Variants in CREG1 observed in about 807,000 individuals in gnomAD.
CREG1 encodes cellular repressor of E1A stimulated genes 1, also known as protein CREG1.
CREG1 carries 20 observed loss-of-function variants against 19.9 expected under a neutral mutation model. The observed-to-expected ratio is 1.01, with a 90% CI of 0.71 to 1.46. The LOEUF is 1.46. Among genes scored for constraint, CREG1 ranks in the 40% most tolerant of loss-of-function variants. The probability of loss-of-function intolerance (pLI) is 0.00; values close to 1 mark genes in which losing one functional copy is unlikely to be tolerated. For missense variants in CREG1, 290 were observed against 314.9 expected, an observed-to-expected ratio of 0.92 and a Z score of 0.60; for synonymous variants, 141 against 143.3, an observed-to-expected ratio of 0.98 and a Z score of 0.12.
chr1:167,546,800 C>T lies in CREG1; in HGVS notation c.475-515G>A, dbSNP rs538740183. ...CAATTGTTGGTAATAACAGATACCACGAAGTGGGAAACCACTGTAAGTATA... is the reference window on the plus strand; with the variant it reads ...CAATTGTTGGTAATAACAGATACCATGAAGTGGGAAACCACTGTAAGTATA... On this transcript the variant is annotated intron_variant, in intron 2 of 3. Coordinates refer to ENST00000370509, the MANE Select transcript of CREG1 (RefSeq NM_003851.3). Among the ~76,000 whole-genome samples, 11 of 152,332 alleles carry T rather than the reference C, an allele frequency of 7.2e-5. No homozygotes were observed. The South Asian group carries it at 8.3e-4, about 11-fold the overall frequency.
intron 1 of CREG1, among the ~76,000 whole-genome samples, chr1:167,549,391 T>G (rs1276759441): frequency 0.011 from 10 of 924 alleles, no homozygotes; most frequent in Admixed American, 0.023. Context: ...TTTTTTTTTG[T>G]TTTTTTTTTT....
intron 3 of CREG1, among the ~76,000 whole-genome samples, chr1:167,544,557 T>C (rs1656286538): frequency 6.6e-6 from 1 of 152,056 alleles, no homozygotes; most frequent in South Asian, 2.1e-4. Context: ...GCTAGGAGCC[T>C]GGCCAGCTAC....
At chr1:167,544,124 G>C (rs1656275155) in intron 3 of CREG1, among the ~76,000 whole-genome samples, 1 of 152,202 alleles carries the variant, frequency 6.6e-6, no homozygotes, top group Non-Finnish European at 1.5e-5. Flanking sequence ...TATGAAGTCA[G>C]ATGGCTTTGC....
At chr1:167,548,326 T>C (rs537683141) in intron 1 of CREG1, among the ~76,000 whole-genome samples, 1 of 152,362 alleles carries the variant, frequency 6.6e-6, no homozygotes, top group East Asian at 1.9e-4. Context: ...GGGGTTCATA[T>C]TTAAAATGAA....
intron 1 of CREG1, among the ~76,000 whole-genome samples, chr1:167,553,133 G>T (rs963530459): frequency 6.6e-6 from 1 of 152,064 alleles, no homozygotes; most frequent in African/African-American, 2.4e-5. Context: ...TCACGGATGA[G>T]AAGTCCTCGG....
chr1:167,553,733 C>T lies in CREG1; in HGVS notation c.9G>A (p.Gly3=). The T allele has an allele frequency of 7.8e-7, 1 of 1,284,274 alleles. No homozygotes were observed. Among genetic ancestry groups the T allele is most frequent in the South Asian group, 2.6e-5 (1 of 38,784 alleles). 79.6% of individuals were successfully genotyped at this position (1,284,274 alleles called of 1,614,324 possible). Residue 3 remains glycine, a synonymous_variant, in exon 1 of 4, where the codon GGG becomes GGA. Coordinates refer to ENST00000370509, the MANE Select transcript of CREG1 (RefSeq NM_003851.3). ...GTGCGCGCGCGGACCCGCGGGATAG[C>T]CCGGCCATGGCGGTGTCTCCAGGAA... is the stretch of plus-strand genomic sequence containing the variant. MA[G]LSRGSARALL...
chr1:167,551,786 T>C lies in CREG1; in HGVS notation c.354+1602A>G, dbSNP rs577912572. Among the ~76,000 whole-genome samples the C allele has an allele frequency of 8.1e-4, 123 of 152,286 alleles. 1 individual carries two copies. Among genetic ancestry groups the C allele is most frequent in the African/African-American group, 2.8e-3 (118 of 41,528 alleles). ...AGGTGACTATGATTTGCAGTCAAAG[T>C]TGAGCACCACTGATGGAGTGGAGTG... On this transcript the variant is annotated intron_variant, in intron 1 of 3. Transcript: ENST00000370509.
At chr1:167,545,221 G>A (rs993649879) in intron 3 of CREG1, among the ~76,000 whole-genome samples, 12 of 152,250 alleles carry the variant, frequency 7.9e-5, no homozygotes, top group African/African-American at 2.9e-4. Flanking sequence ...AAATGCCATC[G>A]TGGGTCATAA....
chr1:167,547,335 G>C (rs1369835381), intron 2 of CREG1, among the ~76,000 whole-genome samples: 2 of 152,148 alleles, frequency 1.3e-5, no homozygotes, highest in Non-Finnish European at 2.9e-5. Flanking sequence ...AAAATATGGA[G>C]ACAAGGAGCC....
chr1:167,546,836 T>A (rs1283693803), intron 2 of CREG1, among the ~76,000 whole-genome samples: 2 of 152,264 alleles, frequency 1.3e-5, no homozygotes, highest in East Asian at 3.8e-4. Flanking sequence ...ATACCAACTT[T>A]CATTGGTAAA....
intron 1 of CREG1, among the ~76,000 whole-genome samples, chr1:167,550,390 A>T (rs1174641437): frequency 6.6e-6 from 1 of 152,182 alleles, no homozygotes; most frequent in African/African-American, 2.4e-5. Context: ...TGTGACAGGT[A>T]TTTTTGTTAA....
At chr1:167,543,029 C>T (rs971207399) in intron 3 of CREG1, among the ~76,000 whole-genome samples, 3 of 152,032 alleles carry the variant, frequency 2.0e-5, no homozygotes, top group South Asian at 2.1e-4. Context: ...GGGCAGATCA[C>T]GAGGTCAGGA....
chr1:167,544,193 C>T (rs1656277704), intron 3 of CREG1, among the ~76,000 whole-genome samples: 1 of 152,136 alleles, frequency 6.6e-6, no homozygotes, highest in African/African-American at 2.4e-5. Flanking sequence ...GCAAAACAAG[C>T]GCCAGGACTG....
At chr1:167,543,222 G>A (rs1308094128) in intron 3 of CREG1, among the ~76,000 whole-genome samples, 1 of 147,604 alleles carries the variant, frequency 6.8e-6, no homozygotes, top group African/African-American at 2.5e-5. Flanking sequence ...ACTCCAGCCT[G>A]AGCAACAGAG....
intron 3 of CREG1, among the ~76,000 whole-genome samples, chr1:167,544,734 G>T (rs548622015): frequency 6.6e-6 from 1 of 152,272 alleles, no homozygotes; most frequent in Admixed American, 6.5e-5. Context: ...TTTCACACAT[G>T]TGGAAAAACA....
At position 167,541,717 on chromosome 1, in the gene CREG1, T is replaced by C. The variant is rs1432658757; in HGVS notation, c.*581A>G. 1 of 152,254 alleles carries C rather than the reference T, an allele frequency of 6.6e-6. No individual in the cohort carries two copies. The highest frequency in any genetic ancestry group is 1.5e-5 in the Non-Finnish European group (1 of 68,050). 9.4% of individuals were successfully genotyped at this position (152,254 alleles called of 1,614,324 possible). A position where few individuals can be genotyped will look rare whatever the true frequency, so the allele number is the denominator to read the frequency against. ...CTTTATCAGAAATAGTTTCACCCTA[T>C]GTTGAATTAACAATACCCAGGATTG... On this transcript the variant is annotated 3_prime_UTR_variant, in exon 4 of 4. Coordinates refer to ENST00000370509, the MANE Select transcript of CREG1 (RefSeq NM_003851.3).
intron 1 of CREG1, among the ~76,000 whole-genome samples, chr1:167,549,221 G>A (rs931492596): frequency 2.6e-5 from 4 of 152,190 alleles, no homozygotes; most frequent in African/African-American, 9.7e-5. Flanking sequence ...GGGGTTGGGA[G>A]TGGAGAGGGC....
chr1:167,541,416 A>T lies in CREG1; in HGVS notation c.*882T>A, dbSNP rs1038357547. On this transcript the variant is annotated 3_prime_UTR_variant, in exon 4 of 4. Coordinates refer to ENST00000370509, the MANE Select transcript of CREG1 (RefSeq NM_003851.3). ...AATTGTTAAGAGTAGAAGTATTTTT[A>T]AAAAGCTGTGGAGAGTGGTTTGGGA... 1 of 152,210 alleles carries T rather than the reference A, an allele frequency of 6.6e-6. No homozygotes were observed. The highest frequency in any genetic ancestry group is 2.4e-5 in the African/African-American group (1 of 41,456). 9.4% of individuals were successfully genotyped at this position (152,210 alleles called of 1,614,324 possible).
intron 1 of CREG1, among the ~76,000 whole-genome samples, chr1:167,550,927 A>G (rs910419832): frequency 3.3e-5 from 5 of 152,160 alleles, no homozygotes; most frequent in Admixed American, 2.6e-4. Flanking sequence ...GAGAAAAAAA[A>G]CCAAGAGTGA....
Sources: gnomAD v4.1 joint callset for allele counts (sites outside exome capture counted in the v4.1 genomes callset) on GRCh38, gnomAD v4.1.1 for gene constraint, MANE v1.5 for transcripts, NCBI Gene and HGNC (gene_info 2026-07-23, HGNC 2026-07-21) for gene names.